The following PDK1 variants were observed in gnomAD, a reference collection of about 807,000 sequenced individuals.
PDK1 encodes the protein [Pyruvate dehydrogenase (acetyl-transferring)] kinase isozyme 1, mitochondrial.
Under a neutral mutation model 54.2 loss-of-function variants are expected in PDK1, and 39 were observed. The ratio of observed to expected loss-of-function variants is 0.72; its 90% CI spans 0.56 to 0.94. The LOEUF is 0.94. Among genes scored for constraint, PDK1 ranks in the 40% least tolerant of loss-of-function variants. PDK1 has a pLI of 0.00. For missense variants in PDK1, 552 were observed against 566.0 expected, an observed-to-expected ratio of 0.98 and a Z score of 0.25; for synonymous variants, 221 against 207.1, an observed-to-expected ratio of 1.07 and a Z score of -0.58.
chr2:172,586,007 A>G (rs1340772519), intron 8 of PDK1, among the ~76,000 whole-genome samples: 2 of 151,962 alleles, frequency 1.3e-5, no homozygotes, highest in African/African-American at 4.8e-5. Flanking sequence ...CTACTAAAAA[A>G]AATTAGCCGG....
At position 172,556,250 on chromosome 2, in the gene PDK1, T is replaced by C. The variant is rs2149169382; in HGVS notation, c.100T>C (p.Ser34Pro). 1 of 1,472,888 alleles carries C rather than the reference T, an allele frequency of 6.8e-7. No homozygotes were observed. 91.2% of individuals were successfully genotyped at this position (1,472,888 alleles called of 1,614,324 possible). ...CCGCAGCTTCAGCTCGGACTCGGGC[T>C]CCAGCCCGGCGTCCGAGCGCGGCGT... ...FSRSFSSDSG[S>P]SPASERGVPG... Residue 34 changes from serine (S) to proline (P), a missense_variant, in exon 1 of 11, where the codon TCC (serine) becomes CCC (proline). Physicochemically the swap from Ser to Pro is moderately conservative, Grantham distance 74. Coordinates refer to ENST00000282077, the MANE Select transcript of PDK1 (RefSeq NM_002610.5).
chr2:172,676,929 A>G, the PDK1 span, among the ~76,000 whole-genome samples: 1 of 152,190 alleles, frequency 6.6e-6, no homozygotes, highest in Admixed American at 6.5e-5. Flanking sequence ...GTCAGCAGCC[A>G]CCAATATTGA....
intron 6 of PDK1, among the ~76,000 whole-genome samples, chr2:172,568,305 G>A (rs190485976): frequency 0.019 from 2,492 of 128,166 alleles, 32 homozygotes; most frequent in Middle Eastern, 0.069. Context: ...TCCAGTCTGG[G>A]CAACAGAGCA....
At chr2:172,625,371 C>T in the PDK1 span, among the ~76,000 whole-genome samples, 3 of 151,198 alleles carry the variant, frequency 2.0e-5, no homozygotes, top group Non-Finnish European at 2.9e-5. Context: ...TGTATTTCAG[C>T]CTTTGGTTTC....
the PDK1 span, among the ~76,000 whole-genome samples, chr2:172,622,677 A>G: frequency 1.6e-5 from 2 of 125,004 alleles, no homozygotes; most frequent in Admixed American, 7.8e-5. Context: ...TATATCTCAT[A>G]TATTATGTGA....
Position 172,556,219 on chromosome 2 carries a change from C to G in PDK1, c.69C>G (p.Gly23=), listed in dbSNP as rs1254766340. The change falls in exon 1 of 11, where the codon GGC becomes GGG. Residue 23 remains glycine, a synonymous_variant. Coordinates refer to ENST00000282077, the MANE Select transcript of PDK1 (RefSeq NM_002610.5). ...CGGGCCCGGGGCTGCGCGCCGCCGG[C>G]TTCAGCCGCAGCTTCAGCTCGGACT... ...AGPGPGLRAA[G]FSRSFSSDSG... The G allele has an allele frequency of 4.2e-6, 6 of 1,428,890 alleles. No individual in the cohort carries two copies. The South Asian group carries it at 8.5e-5, about 20-fold the overall frequency. 88.5% of individuals were successfully genotyped at this position (1,428,890 alleles called of 1,614,324 possible).
the PDK1 span, among the ~76,000 whole-genome samples, chr2:172,643,238 A>C: frequency 1.4e-4 from 21 of 152,180 alleles, no homozygotes; most frequent in South Asian, 3.9e-3. Flanking sequence ...ACTGTTAGCT[A>C]TTGCCATGTA....
At chr2:172,668,902 TATATAG>T in the PDK1 span, among the ~76,000 whole-genome samples, 20 of 89,730 alleles carry the variant, frequency 2.2e-4, no homozygotes, top group Non-Finnish European at 3.2e-4. Flanking sequence ...CACATATATA[TATATAG>T]AGAGAGAGAG....
rs751128518 is a variant in PDK1, at chr2:172,569,290, T to C, written c.846+473T>C. 8.6e-4 allele frequency among the ~76,000 whole-genome samples: 131 copies of C among 152,206 alleles called. 3 individuals are homozygous for C. The highest frequency in any genetic ancestry group is 3.2e-4 in the Non-Finnish European group (22 of 68,040). ...ACCCTCAAAGGACCAGAATTCTTTTTTTGGTCTGGCTTTTCTTGGGAGGGG... is the reference window on the plus strand; with the variant it reads ...ACCCTCAAAGGACCAGAATTCTTTTCTTGGTCTGGCTTTTCTTGGGAGGGG... On this transcript the variant is annotated intron_variant, in intron 7 of 10. Coordinates refer to ENST00000282077, the MANE Select transcript of PDK1 (RefSeq NM_002610.5).
intron 8 of PDK1, among the ~76,000 whole-genome samples, chr2:172,571,157 T>A (rs1049164538): frequency 8.5e-5 from 13 of 152,164 alleles, no homozygotes; most frequent in Non-Finnish European, 1.6e-4. Flanking sequence ...ATATATAATT[T>A]AAAAAATTTT....
upstream of PDK1, chr2:172,556,080 C>A: frequency 8.4e-7 from 1 of 1,195,950 alleles, no homozygotes; most frequent in Non-Finnish European, 1.1e-6. Context: ...CGCCACGTCC[C>A]TCACGTACCA....
intron 8 of PDK1, among the ~76,000 whole-genome samples, chr2:172,572,074 C>T (rs1482919072): frequency 6.6e-6 from 1 of 152,088 alleles, no homozygotes; most frequent in Non-Finnish European, 1.5e-5. Context: ...GTGTTATCCG[C>T]CTGCCTCGGC....
the PDK1 span, among the ~76,000 whole-genome samples, chr2:172,664,122 G>C: frequency 6.6e-6 from 1 of 151,612 alleles, no homozygotes; most frequent in African/African-American, 2.4e-5. Context: ...GACCAGCCTG[G>C]CCAACATGGA....
At chr2:172,622,319 ATGTGAGATATGTTTATATCTCATATATTG>A in the PDK1 span, among the ~76,000 whole-genome samples, 11 of 137,972 alleles carry the variant, frequency 8.0e-5, no homozygotes, top group South Asian at 2.2e-4. Flanking sequence ...CTCATATATT[ATGTGAGATATGTTTATATCTCATATATTG>A]TGTGAGATAT....
chr2:172,712,741 G>A, the PDK1 span, among the ~76,000 whole-genome samples: 1 of 152,326 alleles, frequency 6.6e-6, no homozygotes, highest in Admixed American at 6.5e-5. Context: ...AAGAGCTGCA[G>A]CTCTTCTCTC....
At chr2:172,619,389 G>T in the PDK1 span, among the ~76,000 whole-genome samples, 3 of 152,150 alleles carry the variant, frequency 2.0e-5, no homozygotes, top group African/African-American at 4.8e-5. Flanking sequence ...TGGACCAGGG[G>T]TGGAGCTGAA....
chr2:172,564,762 T>C (rs1339129041), intron 4 of PDK1, 75 bp downstream of exon 4: 25 of 1,338,142 alleles, frequency 1.9e-5, no homozygotes, highest in Non-Finnish European at 2.5e-5. Context: ...TTTAGGAAAG[T>C]TCCATTTAGG....
At chr2:172,635,180 C>T in the PDK1 span, among the ~76,000 whole-genome samples, 2 of 152,214 alleles carry the variant, frequency 1.3e-5, no homozygotes, top group East Asian at 1.9e-4. Context: ...GTAGGATTTA[C>T]ATGACTGCAT....
the PDK1 span, among the ~76,000 whole-genome samples, chr2:172,650,528 C>A: frequency 6.6e-6 from 1 of 152,122 alleles, no homozygotes; most frequent in Admixed American, 6.5e-5. Context: ...AATTAAAAGA[C>A]ACAGACTGGC....
Sources: allele counts gnomAD v4.1 joint callset (sites outside exome capture counted in the v4.1 genomes callset), GRCh38; gene constraint gnomAD v4.1.1; transcripts MANE v1.5; gene names NCBI Gene and HGNC (gene_info 2026-07-23, HGNC 2026-07-21).